The following SERPINA4 variants were observed in gnomAD, a reference collection of about 807,000 sequenced individuals.
SERPINA4 encodes kallistatin.
Under a neutral mutation model 25.4 loss-of-function variants are expected in SERPINA4, and 24 were observed. The observed-to-expected ratio is 0.95, with a 90% CI of 0.69 to 1.33. The LOEUF (loss-of-function observed/expected upper bound fraction) is 1.33, where lower values mean the gene tolerates loss of function less well. SERPINA4 is among the 40% of genes most tolerant of loss of function. SERPINA4 has a pLI of 0.00. For missense variants in SERPINA4, 553 were observed against 535.8 expected (o/e 1.03, Z -0.32); for synonymous variants, 242 against 223.6 (o/e 1.08, Z -0.73).
At chr14:94,568,726 G>A (rs909099982) in intron 4 of SERPINA4, among the ~76,000 whole-genome samples, 1 of 152,052 alleles carries the variant, frequency 6.6e-6, no homozygotes, top group Non-Finnish European at 1.5e-5. Flanking sequence ...GTGGTGGCGG[G>A]TGGTGGGCAC....
At chr14:94,562,135 T>C (rs888953438) in intron 1 of SERPINA4, among the ~76,000 whole-genome samples, 2 of 152,248 alleles carry the variant, frequency 1.3e-5, no homozygotes, top group Non-Finnish European at 2.9e-5. Flanking sequence ...AAATTCACAT[T>C]TCAGTGTCCG....
chr14:94,565,724 G>A (rs1902182411), intron 2 of SERPINA4, among the ~76,000 whole-genome samples: 1 of 151,662 alleles, frequency 6.6e-6, no homozygotes, highest in Admixed American at 6.6e-5. Flanking sequence ...CAGGCTTCAT[G>A]GCACATGCCT....
At chr14:94,562,330 A>T (rs875958) in intron 1 of SERPINA4, among the ~76,000 whole-genome samples, 41,254 of 152,082 alleles carry the variant, frequency 0.27, 5,838 homozygotes, top group South Asian at 0.36. Flanking sequence ...ATCATAGCAA[A>T]AGAGGGGGCG....
Position 94,567,239 on chromosome 14 carries a change from A to G in SERPINA4, c.919A>G (p.Lys307Glu). 6.2e-7 allele frequency: 1 copy of G among 1,612,942 alleles called. No individual in the cohort carries two copies. The highest frequency in any genetic ancestry group is 8.5e-7 in the Non-Finnish European group (1 of 1,179,586). Residue 307 changes from lysine (K) to glutamate (E), a missense_variant, in exon 3 of 5, where the codon AAG (lysine) becomes GAG (glutamate). Lys to Glu is a moderately conservative substitution (Grantham distance 56, BLOSUM62 1). Coordinates refer to ENST00000557004, the MANE Select transcript of SERPINA4 (RefSeq NM_006215.4). ...MLMRWNNLLR[K>E]RNFYKKLELH... ...AATGAGGTGGAACAACTTGTTGCGG[A>G]AGAGGTAATCAGTGTGCTATGGGGG... is the stretch of plus-strand genomic sequence containing the variant.
chr14:94,567,138 A>C lies in SERPINA4; in HGVS notation c.818A>C (p.Asp273Ala). The change falls in exon 3 of 5, where the codon GAC (aspartate) becomes GCC (alanine). Residue 273 changes from aspartate to alanine, a missense_variant. By Grantham distance (126) the Asp-to-Ala change is moderately radical. Transcript: ENST00000557004. Reference sequence around the variant, plus strand: ...GTGCTACGGATGGATTACAAAGGAGACGCAACCGTGTTTTTCATTCTCCCT... The same window carrying C: ...GTGCTACGGATGGATTACAAAGGAGCCGCAACCGTGTTTTTCATTCTCCCT... ...CSVLRMDYKG[D>A]ATVFFILPNQ... 5.6e-6 allele frequency: 9 copies of C among 1,614,104 alleles called. No homozygotes were observed. The highest frequency in any genetic ancestry group is 7.6e-6 in the Non-Finnish European group (9 of 1,180,022).
chr14:94,569,495 A>T lies in SERPINA4; in HGVS notation c.1184A>T (p.His395Leu), dbSNP rs751474731. Residue 395 changes from histidine to leucine, a missense_variant, in exon 5 of 5, where the codon CAC becomes CTC. By Grantham distance (99) the His-to-Leu change is moderately conservative. Transcript: ENST00000557004. The part of the protein sequence containing the change: ...IKFFSAQTNR[H>L]ILRFNRPFLV... Reference sequence around the variant, plus strand: ...TTCTTCTCTGCCCAGACCAATCGCCACATCCTGCGATTCAACCGGCCCTTC... The same window carrying T: ...TTCTTCTCTGCCCAGACCAATCGCCTCATCCTGCGATTCAACCGGCCCTTC... 1 of 1,614,200 alleles carries T rather than the reference A, an allele frequency of 6.2e-7. No individual in the cohort carries two copies. The highest frequency in any genetic ancestry group is 1.1e-5 in the South Asian group (1 of 91,082).
intron 2 of SERPINA4, among the ~76,000 whole-genome samples, chr14:94,565,772 CG>C (rs776723334): frequency 5.3e-5 from 8 of 152,082 alleles, no homozygotes; most frequent in Middle Eastern, 3.5e-3. Context: ...GCAGGAGAAT[CG>C]CTTGAACCCA....
Position 94,563,839 on chromosome 14 carries a change from G to A in SERPINA4, c.357G>A (p.Arg119=). The change falls in exon 2 of 5, where the codon AGG becomes AGA. Residue 119 remains arginine (R), a synonymous_variant. Coordinates refer to ENST00000557004, the MANE Select transcript of SERPINA4 (RefSeq NM_006215.4). ...AGCTGTCTGAGTCCGATGTCCATAGGGGCTTCCAGCACCTCCTGCACACTC... is the reference window on the plus strand; with the variant it reads ...AGCTGTCTGAGTCCGATGTCCATAGAGGCTTCCAGCACCTCCTGCACACTC... ...LTELSESDVH[R]GFQHLLHTLN... 6.2e-7 allele frequency: 1 copy of A among 1,614,136 alleles called. No individual in the cohort carries two copies. Among genetic ancestry groups the A allele is most frequent in the Non-Finnish European group, 8.5e-7 (1 of 1,180,028 alleles).
At chr14:94,567,454 C>T (rs985724193) in intron 3 of SERPINA4, among the ~76,000 whole-genome samples, 1 of 152,176 alleles carries the variant, frequency 6.6e-6, no homozygotes, top group Non-Finnish European at 1.5e-5. Flanking sequence ...AAAAGAACCA[C>T]AGTAGGAGTT....
intron 4 of SERPINA4, among the ~76,000 whole-genome samples, 161 bp downstream of exon 4, chr14:94,568,449 C>T (rs780782985): frequency 4.6e-5 from 7 of 152,202 alleles, no homozygotes; most frequent in Non-Finnish European, 1.0e-4. Flanking sequence ...CAGCCCTGGA[C>T]GTGGTGCTAG....
intron 1 of SERPINA4, among the ~76,000 whole-genome samples, chr14:94,563,103 T>A (rs1312825916): frequency 6.6e-6 from 1 of 152,096 alleles, no homozygotes; most frequent in Admixed American, 6.5e-5. Context: ...TCTGGGGATG[T>A]GGGTTCTGGC....
Position 94,564,136 on chromosome 14 carries a change from G to A in SERPINA4, c.649+5G>A, listed in dbSNP as rs915785406. On this transcript the variant is annotated splice_donor_5th_base_variant and intron_variant, in intron 2 of 4. Coordinates refer to ENST00000557004, the MANE Select transcript of SERPINA4 (RefSeq NM_006215.4). ...TGAATTACATTTACTTCAAAGGTGA[G>A]AGTCAGATCATTGGTATATGCTAAA... The A allele has an allele frequency of 1.3e-6, 2 of 1,599,378 alleles. No individual in the cohort carries two copies. Among genetic ancestry groups the A allele is most frequent in the African/African-American group, 2.7e-5 (2 of 74,894 alleles).
In SERPINA4 at chr14:94,561,527, G is replaced by A. The variant is rs1202689491; in HGVS notation, c.-18+33G>A. ...ACCCCCTGAGACAATGGAGACGAGA[G>A]ACTCTAGAGGGAGGGTGACCAACTG... On this transcript the variant is annotated intron_variant, in intron 1 of 4. Coordinates refer to ENST00000557004, the MANE Select transcript of SERPINA4 (RefSeq NM_006215.4). The A allele has an allele frequency of 6.9e-6, 4 of 577,024 alleles. No homozygotes were observed. The African/African-American group carries it at 7.8e-5, about 11-fold the overall frequency. 35.7% of individuals were successfully genotyped at this position (577,024 alleles called of 1,614,324 possible).
rs747841538 is a variant in SERPINA4 at position 94,563,813 on chromosome 14, G to T, written c.331G>T (p.Glu111Ter). ...TGAGGGCCTGGGCTTCAACCTCACC[G>T]AGCTGTCTGAGTCCGATGTCCATAG... ...ILEGLGFNLTELSESDVHRGF... is the reference protein window; with the variant it reads ...ILEGLGFNLT Residue 111 changes from glutamate (E) to a stop codon, truncating the protein, a stop_gained, in exon 2 of 5, where the codon GAG (glutamate) becomes TAG (stop). Transcript: ENST00000557004. LOFTEE classifies it high-confidence loss of function. 5 of 1,614,152 alleles carry T rather than the reference G, an allele frequency of 3.1e-6. No homozygotes were observed. The highest frequency in any genetic ancestry group is 3.4e-6 in the Non-Finnish European group (4 of 1,180,050).
rs1463278007 is a variant in SERPINA4, at chr14:94,563,825, T to A, written c.343T>A (p.Ser115Thr). ...CTTCAACCTCACCGAGCTGTCTGAG[T>A]CCGATGTCCATAGGGGCTTCCAGCA... ...LGFNLTELSE[S>T]DVHRGFQHLL... is the part of the protein sequence containing the mutation. The change falls in exon 2 of 5, where the codon TCC becomes ACC. Residue 115 changes from serine to threonine, a missense_variant. Transcript: ENST00000557004. The A allele has an allele frequency of 1.9e-6, 3 of 1,613,938 alleles. No individual in the cohort carries two copies. The South Asian group carries it at 3.3e-5, about 18-fold the overall frequency.
Position 94,567,183 on chromosome 14 carries a change from A to G in SERPINA4, c.863A>G (p.Glu288Gly), listed in dbSNP as rs756832744. 1 of 1,614,152 alleles carries G rather than the reference A, an allele frequency of 6.2e-7. No homozygotes were observed. The highest frequency in any genetic ancestry group is 1.7e-5 in the Admixed American group (1 of 60,014). ...CTCCCTAACCAAGGCAAAATGAGGG[A>G]GATTGAAGAGGTTCTGACTCCAGAG... ...FILPNQGKMR[E>G]IEEVLTPEML... The change falls in exon 3 of 5, where the codon GAG (glutamate) becomes GGG (glycine). Residue 288 changes from glutamate to glycine, a missense_variant. By Grantham distance (98) the Glu-to-Gly change is moderately conservative (BLOSUM62 -2). Coordinates refer to ENST00000557004, the MANE Select transcript of SERPINA4 (RefSeq NM_006215.4).
rs577284625 is a variant in SERPINA4 at position 94,569,468 on chromosome 14, A to T, written c.1157A>T (p.Lys386Ile). 2 of 1,614,128 alleles carry T rather than the reference A, an allele frequency of 1.2e-6. No homozygotes were observed. The highest frequency in any genetic ancestry group is 1.7e-5 in the Admixed American group (1 of 60,010). ...EAAAATSFAI[K>I]FFSAQTNRHI... ...GCAGCAGCCACCAGCTTCGCGATCA[A>T]ATTCTTCTCTGCCCAGACCAATCGC... Residue 386 changes from lysine to isoleucine, a missense_variant, in exon 5 of 5, where the codon AAA becomes ATA. Physicochemically the swap from Lys to Ile is moderately radical, Grantham distance 102. Transcript: ENST00000557004.
intron 3 of SERPINA4, among the ~76,000 whole-genome samples, chr14:94,567,723 A>G (rs1179619798): frequency 6.6e-6 from 1 of 152,252 alleles, no homozygotes. Flanking sequence ...CCAAGGGCAC[A>G]TGTGGATAGA....
At chr14:94,562,192 C>T (rs946214602) in intron 1 of SERPINA4, among the ~76,000 whole-genome samples, 2 of 152,178 alleles carry the variant, frequency 1.3e-5, no homozygotes, top group Admixed American at 6.5e-5. Flanking sequence ...CATGCATGTC[C>T]GGTCTGTGGC....
Sources: gnomAD v4.1 joint callset for allele counts (sites outside exome capture counted in the v4.1 genomes callset) on GRCh38, gnomAD v4.1.1 for gene constraint, MANE v1.5 for transcripts, NCBI Gene and HGNC (gene_info 2026-07-23, HGNC 2026-07-21) for gene names.